Variants in DAB2IP observed in about 807,000 individuals in gnomAD.
DAB2IP encodes the protein disabled homolog 2-interacting protein.
A neutral mutation model predicts 107.2 loss-of-function variants in DAB2IP; 28 were observed. That is an observed-to-expected ratio of 0.26 (90% CI 0.19 to 0.36). DAB2IP has a LOEUF of 0.36. Among genes scored for constraint, DAB2IP ranks in the 10% least tolerant of loss-of-function variants. DAB2IP has a pLI of 1.00. For synonymous variants in DAB2IP, 755 were observed against 706.4 expected, an observed-to-expected ratio of 1.07 and a Z score of -1.09; for missense variants, 1,400 against 1,644.7, an observed-to-expected ratio of 0.85 and a Z score of 2.57.
chr9:121,672,215 A>G (rs1340906292), intron 1 of DAB2IP, among the ~76,000 whole-genome samples: 1 of 152,182 alleles, frequency 6.6e-6, no homozygotes, highest in African/African-American at 2.4e-5. Context: ...TTTCCCGATC[A>G]CTGCCGAGGA....
intron 1 of DAB2IP, among the ~76,000 whole-genome samples, chr9:121,620,203 C>T (rs1360276549): frequency 6.6e-6 from 1 of 152,226 alleles, no homozygotes; most frequent in African/African-American, 2.4e-5. Flanking sequence ...CTGCCTGGGC[C>T]AGCTGCTGGA....
intron 2 of DAB2IP, among the ~76,000 whole-genome samples, chr9:121,694,147 C>A (rs555181759): frequency 3.9e-5 from 6 of 152,256 alleles, no homozygotes; most frequent in African/African-American, 1.4e-4. Context: ...AGGCCTAGTA[C>A]AGTGCCTGGG....
At chr9:121,618,996 A>G (rs1163158898) in intron 1 of DAB2IP, among the ~76,000 whole-genome samples, 3 of 152,206 alleles carry the variant, frequency 2.0e-5, no homozygotes, top group Non-Finnish European at 4.4e-5. Flanking sequence ...AGAGCCAATT[A>G]TGTGGTTGGG....
chr9:121,699,607 C>A lies in DAB2IP; in HGVS notation c.362+149C>A, dbSNP rs548946308. Reference sequence around the variant, plus strand: ...GCCCGCCGGGAACTTATGGGGCCACCTCGGCCGGACTAGGGGGCCCGAGGG... The same window carrying A: ...GCCCGCCGGGAACTTATGGGGCCACATCGGCCGGACTAGGGGGCCCGAGGG... On this transcript the variant is annotated intron_variant, in intron 3 of 15. Transcript: ENST00000408936. This position sits in a 1 kb window ranked among gnomAD's most constrained non-coding sequence, Gnocchi z 6.2. The A allele has an allele frequency of 4.8e-5, 31 of 649,328 alleles. No homozygotes were observed. In the East Asian group the frequency reaches 1.9e-3, roughly 40 times the overall value. The allele number at this position is 649,328 out of a possible 1,614,324, so 40.2% of individuals were successfully genotyped here. A position where few individuals can be genotyped will look rare whatever the true frequency, so the allele number is the denominator to read the frequency against.
upstream of DAB2IP, among the ~76,000 whole-genome samples, chr9:121,650,705 G>GGA (rs1402275994): frequency 2.6e-5 from 4 of 152,176 alleles, no homozygotes; most frequent in Non-Finnish European, 4.4e-5. Flanking sequence ...TAAGGGGCGG[G>GGA]GAGAGAGAGA....
chr9:121,578,414 A>T (rs576034753), intron 1 of DAB2IP, among the ~76,000 whole-genome samples: 1 of 151,696 alleles, frequency 6.6e-6, no homozygotes, highest in East Asian at 2.0e-4. Context: ...CCCCAGCAGA[A>T]TGGGGAACAC....
rs1439685230 is a variant in DAB2IP, at chr9:121,699,245, G to A, written c.229-80G>A. 13 of 1,141,182 alleles carry A rather than the reference G, an allele frequency of 1.1e-5. No individual in the cohort carries two copies. The South Asian group carries it at 2.5e-4, about 22-fold the overall frequency. 70.7% of individuals were successfully genotyped at this position (1,141,182 alleles called of 1,614,324 possible). A position where few individuals can be genotyped will look rare whatever the true frequency, so the allele number is the denominator to read the frequency against. On this transcript the variant is annotated intron_variant, in intron 2 of 15. Transcript: ENST00000408936. The surrounding 1 kb of genome is among the most constrained non-coding windows in gnomAD (Gnocchi z 6.2). The stretch of plus-strand genomic sequence containing the variant: ...GGCCGCGCGGCCGCCCAGCAAGGGT[G>A]CGGGTCCCGCGCGGGTCCCGGCCCG...
intron 1 of DAB2IP, among the ~76,000 whole-genome samples, chr9:121,640,253 TG>T: frequency 6.6e-6 from 1 of 152,176 alleles, no homozygotes; most frequent in South Asian, 2.1e-4. Flanking sequence ...CGCTGCTGTG[TG>T]GGCCTGGGCT....
In DAB2IP at chr9:121,634,459, C is replaced by A. The variant is rs1232877993; in HGVS notation, c.41-44219C>A. Among the ~76,000 whole-genome samples, 5 of 152,188 alleles carry A rather than the reference C, an allele frequency of 3.3e-5. No individual in the cohort carries two copies. The highest frequency in any genetic ancestry group is 5.9e-5 in the Non-Finnish European group (4 of 68,036). On this transcript the variant is annotated intron_variant, in intron 1 of 16. Coordinates refer to the DAB2IP transcript ENST00000259371. This position sits in a 1 kb window ranked among gnomAD's most constrained non-coding sequence, Gnocchi z 4.7. ...TGGCCACCCTTAGTGTACACAGGAGCCCCACCCTGAGCCACTGTGGCCCCA... is the reference window on the plus strand; with the variant it reads ...TGGCCACCCTTAGTGTACACAGGAGACCCACCCTGAGCCACTGTGGCCCCA...
chr9:121,759,072 C>T, intron 5 of DAB2IP, 76 bp downstream of exon 5: 2 of 1,452,308 alleles, frequency 1.4e-6, no homozygotes, highest in East Asian at 2.4e-5. Context: ...GAGAGACTAT[C>T]TCTGTGGTGT....
chr9:121,751,060 G>T (rs1833078416), intron 3 of DAB2IP: 1 of 195,976 alleles, frequency 5.1e-6, no homozygotes, highest in Non-Finnish European at 1.1e-5. Context: ...CAGCTAGTGG[G>T]TTAGCTGGCT....
Position 121,776,704 on chromosome 9 carries a change from G to A in DAB2IP, c.3314+313G>A, listed in dbSNP as rs1035870598. ...TAAGCACTCTCAGGGGCGCTGAGAA[G>A]CTGGATTGGGGGGTGCCAGGAAAGA... On this transcript the variant is annotated intron_variant, in intron 14 of 15. Coordinates refer to ENST00000408936, the Ensembl canonical transcript of DAB2IP. The surrounding 1 kb of genome is among the most constrained non-coding windows in gnomAD (Gnocchi z 5.4). Among the ~76,000 whole-genome samples, 4 of 152,200 alleles carry A rather than the reference G, an allele frequency of 2.6e-5. No homozygotes were observed. The East Asian group carries it at 7.7e-4, about 29-fold the overall frequency.
At chr9:121,618,196 C>T (rs1047315991) in intron 1 of DAB2IP, among the ~76,000 whole-genome samples, 8 of 152,182 alleles carry the variant, frequency 5.3e-5, no homozygotes, top group African/African-American at 1.7e-4. Context: ...CTTCCCATTT[C>T]CCCCCAGTTC....
intron 1 of DAB2IP, among the ~76,000 whole-genome samples, chr9:121,620,069 AG>A (rs1426241464): frequency 6.6e-6 from 1 of 152,224 alleles, no homozygotes; most frequent in Non-Finnish European, 1.5e-5. Flanking sequence ...AATCACTTTT[AG>A]TGGTCATTGT....
At chr9:121,632,593 C>T (rs1021523608) in intron 1 of DAB2IP, among the ~76,000 whole-genome samples, 5 of 152,172 alleles carry the variant, frequency 3.3e-5, no homozygotes, top group Admixed American at 6.5e-5. Flanking sequence ...CTGGCCCCTC[C>T]AGCATAGACT....
intron 2 of DAB2IP, among the ~76,000 whole-genome samples, chr9:121,687,398 C>T (rs113892431): frequency 1.6e-3 from 239 of 152,296 alleles, no homozygotes; most frequent in African/African-American, 5.5e-3. Context: ...AGCATGTGAT[C>T]TGTCAGGCAG....
At chr9:121,670,847 T>C (rs1211948773) in intron 1 of DAB2IP, among the ~76,000 whole-genome samples, 1 of 151,814 alleles carries the variant, frequency 6.6e-6, no homozygotes, top group Non-Finnish European at 1.5e-5. Flanking sequence ...TGAAGCCCCA[T>C]CTCTACTAAA....
chr9:121,590,365 G>C (rs1830401502), intron 1 of DAB2IP, among the ~76,000 whole-genome samples: 1 of 151,542 alleles, frequency 6.6e-6, no homozygotes, highest in Admixed American at 6.6e-5. Context: ...TGATGCTTCA[G>C]TCACTGCAGT....
chr9:121,686,747 G>A (rs1328848668), intron 2 of DAB2IP, among the ~76,000 whole-genome samples: 2 of 152,164 alleles, frequency 1.3e-5, no homozygotes, highest in Non-Finnish European at 2.9e-5. Context: ...GGCTGTGAGG[G>A]CTCAGTGCCT....
Sources: allele counts gnomAD v4.1 joint callset (sites outside exome capture counted in the v4.1 genomes callset), GRCh38; gene constraint gnomAD v4.1.1; non-coding constraint Gnocchi (gnomAD v3.1); transcripts MANE v1.5; gene names NCBI Gene and HGNC (gene_info 2026-07-23, HGNC 2026-07-21).